Variants in TAFA4 observed in about 807,000 individuals in gnomAD.
TAFA4 encodes TAFA chemokine like family member 4.
TAFA4 carries 20 observed loss-of-function variants against 21.1 expected under a neutral mutation model. The ratio of observed to expected loss-of-function variants is 0.95; its 90% CI spans 0.67 to 1.38. The LOEUF is 1.38. Ranked by LOEUF, TAFA4 falls within the 40% of genes most tolerant of loss-of-function variation. TAFA4 has a pLI of 0.00. For synonymous variants in TAFA4, 71 were observed against 67.4 expected, an observed-to-expected ratio of 1.05 and a Z score of -0.26; for missense variants, 211 against 180.9, an observed-to-expected ratio of 1.17 and a Z score of -0.95.
At chr3:68,790,306 A>G (rs1036380898) in intron 3 of TAFA4, among the ~76,000 whole-genome samples, 1 of 152,160 alleles carries the variant, frequency 6.6e-6, no homozygotes, top group Non-Finnish European at 1.5e-5. Flanking sequence ...AAAAAAGTCA[A>G]TAAATAAATT....
Position 68,752,729 on chromosome 3 carries a change from G to A in TAFA4, c.286+134C>T. On this transcript the variant is annotated intron_variant, in intron 4 of 5. Transcript: ENST00000295569. The stretch of plus-strand genomic sequence containing the variant: ...AAGACATTTTTGGAGTTGTATTTAT[G>A]TACATTTTTGGATTGACACTGATCT... 6.1e-6 allele frequency: 6 copies of A among 989,028 alleles called. No homozygotes were observed. In the South Asian group the frequency reaches 8.8e-5, roughly 14 times the overall value. The allele number at this position is 989,028 out of a possible 1,614,324, so 61.3% of individuals were successfully genotyped here.
In TAFA4 at chr3:68,834,487, TATC is replaced by T. The variant is rs148956051; in HGVS notation, c.130+46240_130+46242del. On this transcript the variant is annotated intron_variant, in intron 3 of 5. Transcript: ENST00000295569. Reference sequence around the variant, plus strand: ...GATACAAAATACTAACAGCTATTACTATCATCATCATCATCACCATCTTCTGTA... The same window carrying T: ...GATACAAAATACTAACAGCTATTACTATCATCATCATCACCATCTTCTGTA... Among the ~76,000 whole-genome samples the T allele has an allele frequency of 3.9e-5, 6 of 152,300 alleles. No homozygotes were observed. In the South Asian group the frequency reaches 8.3e-4, roughly 21 times the overall value.
intron 3 of TAFA4, among the ~76,000 whole-genome samples, chr3:68,753,927 CCAG>C (rs1702610600): frequency 6.6e-6 from 1 of 152,220 alleles, no homozygotes; most frequent in African/African-American, 2.4e-5. Flanking sequence ...AGCAGAGAAT[CCAG>C]CCAGGCAGTG....
intron 1 of TAFA4, among the ~76,000 whole-genome samples, chr3:68,914,618 TTAAGA>T (rs1396400536): frequency 2.1e-4 from 32 of 152,354 alleles, no homozygotes; most frequent in African/African-American, 7.2e-4. Flanking sequence ...AAACTCGTTA[TTAAGA>T]TGAGACCAAA....
chr3:68,854,205 G>A (rs956317471), intron 3 of TAFA4, among the ~76,000 whole-genome samples: 10 of 151,916 alleles, frequency 6.6e-5, no homozygotes, highest in African/African-American at 1.5e-4. Context: ...CATGAAAGAG[G>A]GCTCCAGGTG....
chr3:68,865,713 T>A (rs1366023754), intron 3 of TAFA4, among the ~76,000 whole-genome samples: 3 of 152,090 alleles, frequency 2.0e-5, no homozygotes, highest in African/African-American at 7.2e-5. Context: ...GACATAATCA[T>A]AGTGTGCTGC....
In TAFA4 at chr3:68,732,267, T is replaced by C. The variant is rs1252763339; in HGVS notation, c.*875A>G. 3 of 152,600 alleles carry C rather than the reference T, an allele frequency of 2.0e-5. No individual in the cohort carries two copies. The highest frequency in any genetic ancestry group is 7.2e-5 in the African/African-American group (3 of 41,462). The allele number at this position is 152,600 out of a possible 1,614,324, so 9.5% of individuals were successfully genotyped here. On this transcript the variant is annotated 3_prime_UTR_variant, in exon 6 of 6. Coordinates refer to ENST00000295569, the MANE Select transcript of TAFA4 (RefSeq NM_182522.5). ...AATTCAGCACTGAAAGACTCCTGTCTCGGAGTTAAAATCTTTTCATATAAT... is the reference window on the plus strand; with the variant it reads ...AATTCAGCACTGAAAGACTCCTGTCCCGGAGTTAAAATCTTTTCATATAAT...
At chr3:68,851,604 GT>G (rs1013657698) in intron 3 of TAFA4, among the ~76,000 whole-genome samples, 87 of 152,262 alleles carry the variant, frequency 5.7e-4, no homozygotes, top group African/African-American at 1.9e-3. Context: ...GGAAAATAAA[GT>G]TTTTAAATAC....
At chr3:68,840,716 A>G in intron 3 of TAFA4, among the ~76,000 whole-genome samples, 1 of 152,166 alleles carries the variant, frequency 6.6e-6, no homozygotes, top group African/African-American at 2.4e-5. Flanking sequence ...CCTCCCATAT[A>G]GAAAAAGTAC....
intron 2 of TAFA4, 60 bp from the exon 3 acceptor site, chr3:68,880,905 G>A (rs1468295307): frequency 2.2e-6 from 3 of 1,382,798 alleles, no homozygotes; most frequent in Admixed American, 1.8e-5. Context: ...TCCCTGGCAA[G>A]CACCATTCTA....
rs2089390825 is a variant in TAFA4, at chr3:68,864,450, G to C, written c.130+16280C>G. On this transcript the variant is annotated intron_variant, in intron 3 of 5. Transcript: ENST00000295569. ...AAATTAAAGATACAGACAATACTTA[G>C]TGCTGGCAAGAATATGAAGGGACTG... 2.6e-5 allele frequency among the ~76,000 whole-genome samples: 4 copies of C among 152,116 alleles called. No individual in the cohort carries two copies. In the South Asian group the frequency reaches 8.3e-4, roughly 32 times the overall value.
chr3:68,820,799 C>T (rs969056378), intron 3 of TAFA4, among the ~76,000 whole-genome samples: 1 of 152,096 alleles, frequency 6.6e-6, no homozygotes, highest in Non-Finnish European at 1.5e-5. Context: ...TATATCAAAA[C>T]ATCATTTGTA....
chr3:68,850,123 G>T lies in TAFA4; in HGVS notation c.130+30607C>A, dbSNP rs536201339. On this transcript the variant is annotated intron_variant, in intron 3 of 5. Coordinates refer to ENST00000295569, the MANE Select transcript of TAFA4 (RefSeq NM_182522.5). Reference sequence around the variant, plus strand: ...CCCTCCTCTTCCTCAAATACTACCTGACGCACAAAGCGCTCTTAAACCTTC... The same window carrying T: ...CCCTCCTCTTCCTCAAATACTACCTTACGCACAAAGCGCTCTTAAACCTTC... 1.6e-4 allele frequency among the ~76,000 whole-genome samples: 25 copies of T among 152,220 alleles called. No individual in the cohort carries two copies. In the South Asian group the frequency reaches 5.0e-3, roughly 30 times the overall value.
At chr3:68,903,576 T>G (rs930689940) in intron 1 of TAFA4, among the ~76,000 whole-genome samples, 4 of 152,224 alleles carry the variant, frequency 2.6e-5, no homozygotes, top group Non-Finnish European at 5.9e-5. Context: ...CATAAAATGT[T>G]TTAATGTTTT....
chr3:68,862,001 T>C (rs2089351658), intron 3 of TAFA4, among the ~76,000 whole-genome samples: 1 of 152,100 alleles, frequency 6.6e-6, no homozygotes, highest in African/African-American at 2.4e-5. Flanking sequence ...CACATCTGCC[T>C]CCTGCTGAGC....
intron 3 of TAFA4, among the ~76,000 whole-genome samples, chr3:68,789,914 A>G (rs538569466): frequency 1.3e-5 from 2 of 152,242 alleles, no homozygotes; most frequent in Non-Finnish European, 2.9e-5. Context: ...CTTGCCCTAC[A>G]AGAAATGCTA....
chr3:68,784,933 C>T (rs1158623337), intron 3 of TAFA4, among the ~76,000 whole-genome samples: 2 of 152,054 alleles, frequency 1.3e-5, no homozygotes, highest in Admixed American at 6.5e-5. Context: ...TACAGAGTGT[C>T]GATTGGTGCA....
intron 3 of TAFA4, among the ~76,000 whole-genome samples, chr3:68,825,007 C>T (rs1370839062): frequency 6.6e-6 from 1 of 152,148 alleles, no homozygotes; most frequent in East Asian, 1.9e-4. Context: ...GGTACATGTA[C>T]AGGATATGCA....
intron 3 of TAFA4, among the ~76,000 whole-genome samples, chr3:68,801,238 C>T (rs936060686): frequency 6.6e-6 from 1 of 152,002 alleles, no homozygotes; most frequent in African/African-American, 2.4e-5. Flanking sequence ...AACTCTCATC[C>T]ACGTCCCCCT....
Sources: allele counts gnomAD v4.1 joint callset (sites outside exome capture counted in the v4.1 genomes callset), GRCh38; gene constraint gnomAD v4.1.1; transcripts MANE v1.5; gene names NCBI Gene and HGNC (gene_info 2026-07-23, HGNC 2026-07-21).